The following FRS2 variants were observed in gnomAD, a reference collection of about 807,000 sequenced individuals.
FRS2 encodes FGFR signalling adaptor.
In FRS2, 8 loss-of-function variants were observed where a neutral mutation model predicts 43.9. The observed-to-expected ratio is 0.18, with a 90% CI of 0.11 to 0.33. FRS2 has a LOEUF of 0.33. Ranked by LOEUF, FRS2 falls within the 10% of genes least tolerant of loss-of-function variation. The pLI, the probability that FRS2 is intolerant of heterozygous loss-of-function variation, is 1.00. For missense variants in FRS2, 534 were observed against 627.6 expected (o/e 0.85, Z 1.59); for synonymous variants, 219 against 220.3 (o/e 0.99, Z 0.05).
intron 3 of FRS2, among the ~76,000 whole-genome samples, chr12:69,556,592 G>A (rs1383381239): frequency 3.3e-5 from 5 of 152,102 alleles, no homozygotes; most frequent in African/African-American, 1.2e-4. Context: ...AAAGTGCTGG[G>A]ATTACAGGCG....
chr12:69,482,048 T>C (rs1248643086), intron 1 of FRS2, among the ~76,000 whole-genome samples: 2 of 151,634 alleles, frequency 1.3e-5, no homozygotes, highest in Admixed American at 6.6e-5. Flanking sequence ...ATACCTTATA[T>C]TTGTATAGTG....
intron 1 of FRS2, among the ~76,000 whole-genome samples, chr12:69,473,832 A>G (rs563424301): frequency 5.9e-5 from 9 of 152,120 alleles, no homozygotes; most frequent in African/African-American, 1.7e-4. Context: ...TTTGGAGGAG[A>G]TGGAAGGTGA....
intron 3 of FRS2, among the ~76,000 whole-genome samples, chr12:69,550,124 C>T (rs1220960812): frequency 6.6e-6 from 1 of 152,178 alleles, no homozygotes; most frequent in Non-Finnish European, 1.5e-5. Flanking sequence ...CAAAACTGAG[C>T]TTATGTTTTT....
rs56814324 is a variant in FRS2, at chr12:69,470,805, C to G, written c.-261+275C>G. Among the ~76,000 whole-genome samples, 793 of 151,968 alleles carry G rather than the reference C, an allele frequency of 5.2e-3. 8 individuals carry two copies. The highest frequency in any genetic ancestry group is 0.019 in the African/African-American group (772 of 41,318). ...AGTGGGGATGGGCTGGGCCTCTGTT[C>G]GTCCGTCCGACCCCCCTCATGTGTG... On this transcript the variant is annotated intron_variant, in intron 1 of 8. Transcript: ENST00000549921.
chr12:69,483,383 G>T (rs1448446537), intron 1 of FRS2, among the ~76,000 whole-genome samples: 2 of 152,096 alleles, frequency 1.3e-5, no homozygotes, highest in South Asian at 4.1e-4. Context: ...CACTAGTTTT[G>T]TCATTTTGAG....
At chr12:69,485,101 A>ACACACACACACACACGCACG (rs1555183204) in intron 1 of FRS2, among the ~76,000 whole-genome samples, 1 of 143,476 alleles carries the variant, frequency 7.0e-6, no homozygotes, top group East Asian at 2.0e-4. Context: ...ACACACACAC[A>ACACACACACACACACGCACG]CACACACACA....
At chr12:69,541,436 G>T (rs963266233) in intron 3 of FRS2, among the ~76,000 whole-genome samples, 16 of 152,054 alleles carry the variant, frequency 1.1e-4, no homozygotes, top group African/African-American at 3.6e-4. Flanking sequence ...TGAAGGAAGC[G>T]TGTGTATGTG....
chr12:69,491,986 T>G (rs1209705632), intron 1 of FRS2, among the ~76,000 whole-genome samples: 1 of 152,226 alleles, frequency 6.6e-6, no homozygotes, highest in Non-Finnish European at 1.5e-5. Flanking sequence ...TATAAGGTAC[T>G]CTGCAAAAAT....
rs565795354 is a variant in FRS2 at position 69,507,820 on chromosome 12, T to G, written c.-260-23045T>G. Among the ~76,000 whole-genome samples, 7 of 151,940 alleles carry G rather than the reference T, an allele frequency of 4.6e-5. No homozygotes were observed. The South Asian group carries it at 1.5e-3, about 32-fold the overall frequency. On this transcript the variant is annotated intron_variant, in intron 1 of 8. Transcript: ENST00000549921. ...CGGGCGGATCACCTTAGGTCGAAAGTTCAAGACCAGCCTGACCAACATGGA... is the reference window on the plus strand; with the variant it reads ...CGGGCGGATCACCTTAGGTCGAAAGGTCAAGACCAGCCTGACCAACATGGA...
intron 1 of FRS2, among the ~76,000 whole-genome samples, chr12:69,498,536 T>TGTGTGTGTGTGTGTGC (rs1207533938): frequency 1.3e-5 from 2 of 151,816 alleles, no homozygotes; most frequent in Non-Finnish European, 2.9e-5. Flanking sequence ...TGTGTGTGTG[T>TGTGTGTGTGTGTGTGC]GTGTGTGTGT....
intron 1 of FRS2, among the ~76,000 whole-genome samples, chr12:69,483,486 G>T (rs984352157): frequency 2.0e-5 from 3 of 152,104 alleles, no homozygotes; most frequent in Non-Finnish European, 4.4e-5. Flanking sequence ...ATCTCAGAAA[G>T]TTTACAAAAA....
intron 1 of FRS2, among the ~76,000 whole-genome samples, chr12:69,481,264 A>G (rs1450326395): frequency 6.7e-6 from 1 of 149,296 alleles, no homozygotes; most frequent in Non-Finnish European, 1.5e-5. Flanking sequence ...TACCATCATG[A>G]AAGTCCAAAT....
chr12:69,561,409 A>C (rs1879865129), intron 3 of FRS2, among the ~76,000 whole-genome samples: 1 of 152,206 alleles, frequency 6.6e-6, no homozygotes, highest in Non-Finnish European at 1.5e-5. Context: ...TCTAGTTAAT[A>C]TGTAGATTAA....
chr12:69,537,901 T>C (rs1479731863), intron 3 of FRS2: 3 of 152,564 alleles, frequency 2.0e-5, no homozygotes, highest in Non-Finnish European at 4.4e-5. Flanking sequence ...GGCTTATAGT[T>C]ATAAATTCTT....
intron 1 of FRS2, among the ~76,000 whole-genome samples, chr12:69,493,295 A>T (rs1182673020): frequency 6.6e-6 from 1 of 152,186 alleles, no homozygotes; most frequent in Non-Finnish European, 1.5e-5. Context: ...TTTTGGTCTT[A>T]TTCTGTCTCA....
chr12:69,471,506 G>A (rs1166053774), intron 1 of FRS2, among the ~76,000 whole-genome samples: 3 of 152,232 alleles, frequency 2.0e-5, no homozygotes, highest in Non-Finnish European at 4.4e-5. Context: ...TTGCTGCAAT[G>A]CAGAGTTTCA....
intron 5 of FRS2, among the ~76,000 whole-genome samples, chr12:69,570,019 C>T (rs903068555): frequency 5.3e-5 from 8 of 152,190 alleles, no homozygotes; most frequent in Non-Finnish European, 1.2e-4. Context: ...TAAAGGCCCT[C>T]CTCCTCTTAA....
chr12:69,557,000 C>T (rs1462499242), intron 3 of FRS2, among the ~76,000 whole-genome samples: 2 of 152,142 alleles, frequency 1.3e-5, no homozygotes, highest in Non-Finnish European at 2.9e-5. Flanking sequence ...TTAAGTTACT[C>T]AGTGATTACA....
chr12:69,487,102 C>T (rs1368836607), intron 1 of FRS2, among the ~76,000 whole-genome samples: 1 of 152,202 alleles, frequency 6.6e-6, no homozygotes, highest in Non-Finnish European at 1.5e-5. Context: ...GTCTCAAACT[C>T]CTGGCCTCGC....
Sources: gnomAD v4.1 joint callset for allele counts (sites outside exome capture counted in the v4.1 genomes callset) on GRCh38, gnomAD v4.1.1 for gene constraint, MANE v1.5 for transcripts, NCBI Gene and HGNC (gene_info 2026-07-23, HGNC 2026-07-21) for gene names.